ZDHHC21: variants seen among roughly 807,000 people sequenced by gnomAD.
ZDHHC21 encodes zDHHC palmitoyltransferase 21, also known as palmitoyltransferase ZDHHC21.
In ZDHHC21, 15 loss-of-function variants were observed where a neutral mutation model predicts 34.6. The ratio of observed to expected loss-of-function variants is 0.43; its 90% CI spans 0.29 to 0.67. ZDHHC21 has a LOEUF of 0.67. Ranked by LOEUF, ZDHHC21 falls within the 30% of genes least tolerant of loss-of-function variation. ZDHHC21 has a pLI of 0.14. For synonymous variants in ZDHHC21, 142 were observed against 101.8 expected, an observed-to-expected ratio of 1.40 and a Z score of -2.38; for missense variants, 344 against 327.7, an observed-to-expected ratio of 1.05 and a Z score of -0.38.
At chr9:14,661,788 G>A (rs1833443577) in intron 6 of ZDHHC21, among the ~76,000 whole-genome samples, 1 of 152,168 alleles carries the variant, frequency 6.6e-6, no homozygotes, top group African/African-American at 2.4e-5. Flanking sequence ...TAAGGAAGAG[G>A]TTATCAGGGT....
intron 5 of ZDHHC21, among the ~76,000 whole-genome samples, chr9:14,663,996 G>C (rs1476014848): frequency 1.3e-5 from 2 of 152,028 alleles, no homozygotes; most frequent in East Asian, 1.9e-4. Context: ...TTTGAATTCG[G>C]GGGGAGGAGC....
rs1296398609 is a variant in ZDHHC21 at position 14,662,322 on chromosome 9, C to G, written c.258G>C (p.Arg86Ser). Residue 86 changes from arginine (R) to serine (S), a missense_variant, in exon 6 of 10, where the codon AGG (arginine) becomes AGC (serine). Physicochemically the swap from Arg to Ser is moderately radical, Grantham distance 110. Coordinates refer to ENST00000380916, the MANE Select transcript of ZDHHC21 (RefSeq NM_178566.6). ...ACTTGTTACATAATTCCCAGAACTC[C>G]CTTTCTAAAGAAAAGAAATTAAAAT... ...PENPKIPHGE[R>S]EFWELCNKCN... The G allele has an allele frequency of 3.7e-6, 6 of 1,602,776 alleles. No individual in the cohort carries two copies.
rs1341651979 is a variant in ZDHHC21, at chr9:14,613,995, C to A, written c.*4971G>T. On this transcript the variant is annotated 3_prime_UTR_variant, in exon 10 of 10. Coordinates refer to ENST00000380916, the MANE Select transcript of ZDHHC21 (RefSeq NM_178566.6). ...CTGAAGAGAAACCGCAATATAAATT[C>A]TTTAAGTTAAATAATTCAAACTAAA... 6.6e-6 allele frequency: 1 copy of A among 151,732 alleles called. No homozygotes were observed. Among genetic ancestry groups the A allele is most frequent in the Non-Finnish European group, 1.5e-5 (1 of 67,770 alleles). 9.4% of individuals were successfully genotyped at this position (151,732 alleles called of 1,614,324 possible). A position where few individuals can be genotyped will look rare whatever the true frequency, so the allele number is the denominator to read the frequency against.
intron 8 of ZDHHC21, 101 bp from the exon 9 acceptor site, chr9:14,619,783 A>G (rs1264845709): frequency 1.5e-6 from 1 of 678,458 alleles, no homozygotes; most frequent in African/African-American, 1.9e-5. Context: ...AAAATATTCT[A>G]TAGATTTAAA....
At chr9:14,650,279 T>C (rs1328558364) in intron 7 of ZDHHC21, among the ~76,000 whole-genome samples, 1 of 151,992 alleles carries the variant, frequency 6.6e-6, no homozygotes, top group Non-Finnish European at 1.5e-5. Flanking sequence ...TAAAAAATGT[T>C]ACTAAGGAAT....
chr9:14,675,906 T>C (rs544772034), intron 3 of ZDHHC21, among the ~76,000 whole-genome samples: 4 of 151,706 alleles, frequency 2.6e-5, no homozygotes, highest in African/African-American at 4.8e-5. Context: ...ACAGAAGGAA[T>C]AGGAGGAGCA....
At chr9:14,591,035 T>C in the ZDHHC21 span, among the ~76,000 whole-genome samples, 1 of 152,088 alleles carries the variant, frequency 6.6e-6, no homozygotes, top group African/African-American at 2.4e-5. Flanking sequence ...AGCACAGTAA[T>C]ATCTAAGGGT....
At chr9:14,592,494 C>T in the ZDHHC21 span, among the ~76,000 whole-genome samples, 2 of 151,968 alleles carry the variant, frequency 1.3e-5, no homozygotes, top group African/African-American at 4.8e-5. Context: ...CTATACATAC[C>T]TAACAAGAGC....
rs1833524873 is a variant in ZDHHC21 at position 14,662,205 on chromosome 9, T to C, written c.365+10A>G. On this transcript the variant is annotated intron_variant, in intron 6 of 9. Coordinates refer to ENST00000380916, the MANE Select transcript of ZDHHC21 (RefSeq NM_178566.6). ...CCCTCTTTTCTTTGCTAGAAGTGAA[T>C]TATTCTTACCATGGACAGTGATGAT... is the stretch of plus-strand genomic sequence containing the variant. 6.4e-7 allele frequency: 1 copy of C among 1,571,250 alleles called. No homozygotes were observed. The highest frequency in any genetic ancestry group is 1.2e-5 in the South Asian group (1 of 84,892).
chr9:14,662,328 T>C lies in ZDHHC21; in HGVS notation c.254-2A>G, dbSNP rs1438852739. 1 of 1,598,662 alleles carries C rather than the reference T, an allele frequency of 6.3e-7. No homozygotes were observed. The highest frequency in any genetic ancestry group is 8.5e-7 in the Non-Finnish European group (1 of 1,173,972). On this transcript the variant is annotated splice_acceptor_variant, in intron 5 of 9. Transcript: ENST00000380916. LOFTEE classifies it high-confidence loss of function. ...TACATAATTCCCAGAACTCCCTTTC[T>C]AAAGAAAAGAAATTAAAATCCATTT...
In ZDHHC21 at chr9:14,617,942, T is replaced by G. The variant is rs928472694; in HGVS notation, c.*1024A>C. The G allele has an allele frequency of 1.3e-5, 2 of 152,062 alleles. No homozygotes were observed. Among genetic ancestry groups the G allele is most frequent in the Non-Finnish European group, 2.9e-5 (2 of 67,932 alleles). 9.4% of individuals were successfully genotyped at this position (152,062 alleles called of 1,614,324 possible). ...CCTATAAATAAAATTTCTATATGAG[T>G]TGGCCAATATATATAAACCTTCAAT... On this transcript the variant is annotated 3_prime_UTR_variant, in exon 10 of 10. Transcript: ENST00000380916.
chr9:14,666,552 T>C (rs1316653019), intron 5 of ZDHHC21, among the ~76,000 whole-genome samples: 2 of 101,468 alleles, frequency 2.0e-5, no homozygotes, highest in African/African-American at 3.3e-5. Flanking sequence ...ATACATTTTT[T>C]TCAGCACCAC....
At chr9:14,629,285 A>G (rs1010224835) in intron 8 of ZDHHC21, among the ~76,000 whole-genome samples, 1 of 152,166 alleles carries the variant, frequency 6.6e-6, no homozygotes, top group African/African-American at 2.4e-5. Context: ...GGTTTTAGAA[A>G]TATCACCTCA....
chr9:14,672,858 G>A lies in ZDHHC21; in HGVS notation c.225C>T (p.Leu75=), dbSNP rs766787841. ...VRASITDPGR[L]PENPKIPHGE... ...CATGTGGGATCTTGGGGTTCTCAGGGAGTCTTCCTGGATCAGTTATGGAGG... is the reference window on the plus strand; with the variant it reads ...CATGTGGGATCTTGGGGTTCTCAGGAAGTCTTCCTGGATCAGTTATGGAGG... The change falls in exon 5 of 10, where the codon CTC becomes CTT. Residue 75 remains leucine, a synonymous_variant. Coordinates refer to ENST00000380916, the MANE Select transcript of ZDHHC21 (RefSeq NM_178566.6). 2 of 1,608,822 alleles carry A rather than the reference G, an allele frequency of 1.2e-6. No homozygotes were observed. Among genetic ancestry groups the A allele is most frequent in the South Asian group, 1.1e-5 (1 of 90,244 alleles).
the ZDHHC21 span, among the ~76,000 whole-genome samples, chr9:14,596,984 G>A: frequency 1.2e-4 from 19 of 152,112 alleles, no homozygotes; most frequent in African/African-American, 4.3e-4. Flanking sequence ...ACTTTCCAGT[G>A]CCGGGAAAAG....
intron 7 of ZDHHC21, among the ~76,000 whole-genome samples, chr9:14,641,249 G>A (rs372918316): frequency 2.5e-4 from 38 of 152,136 alleles, no homozygotes; most frequent in African/African-American, 8.7e-4. Context: ...TCATTAGCCT[G>A]GAAAAACTTA....
the ZDHHC21 span, among the ~76,000 whole-genome samples, chr9:14,602,506 C>A: frequency 6.6e-6 from 1 of 151,622 alleles, no homozygotes; most frequent in African/African-American, 2.4e-5. Context: ...TATATTAAAC[C>A]TGAACAGGTC....
chr9:14,619,234 C>A, intron 9 of ZDHHC21, 136 bp from the exon 10 acceptor site: 1 of 978,138 alleles, frequency 1.0e-6, no homozygotes, highest in Non-Finnish European at 1.4e-6. Flanking sequence ...TACAGCTTTT[C>A]TTTCATTATG....
chr9:14,668,831 C>A (rs1009372465), intron 5 of ZDHHC21, among the ~76,000 whole-genome samples: 6 of 131,812 alleles, frequency 4.6e-5, no homozygotes, highest in Non-Finnish European at 6.5e-5. Context: ...CCCTTCCTTA[C>A]ACCTTATACA....
Sources: allele counts gnomAD v4.1 joint callset (sites outside exome capture counted in the v4.1 genomes callset), GRCh38; gene constraint gnomAD v4.1.1; transcripts MANE v1.5; gene names NCBI Gene and HGNC (gene_info 2026-07-23, HGNC 2026-07-21).